Variants in RIMKLB observed in about 807,000 individuals in gnomAD.
The protein encoded by RIMKLB is beta-citrylglutamate synthase B.
In RIMKLB, 7 loss-of-function variants were observed where a neutral mutation model predicts 32.0. The observed-to-expected ratio is 0.22, with a 90% CI of 0.12 to 0.41. The LOEUF (loss-of-function observed/expected upper bound fraction) is 0.41. Ranked by LOEUF, RIMKLB falls within the 10% of genes least tolerant of loss-of-function variation. The pLI, the probability that RIMKLB is intolerant of heterozygous loss-of-function variation, is 1.00. For missense variants in RIMKLB, 289 were observed against 498.7 expected (o/e 0.58, Z 4.00); for synonymous variants, 172 against 185.1 (o/e 0.93, Z 0.57).
chr12:8,707,786 CAG>C (rs1339306376), intron 1 of RIMKLB, among the ~76,000 whole-genome samples: 1 of 152,196 alleles, frequency 6.6e-6, no homozygotes, highest in Non-Finnish European at 1.5e-5. Context: ...TGCCAGGAAA[CAG>C]GGTTGAAGAC....
At chr12:8,702,790 G>C (rs1245324605) in intron 1 of RIMKLB, among the ~76,000 whole-genome samples, 1 of 152,102 alleles carries the variant, frequency 6.6e-6, no homozygotes, top group African/African-American at 2.4e-5. Flanking sequence ...TAAAGCCTTG[G>C]GCTTGAGAGT....
In RIMKLB at chr12:8,698,130, C is replaced by A; in HGVS notation, c.-224C>A. On this transcript the variant is annotated 5_prime_UTR_variant, in exon 1 of 6. Transcript: ENST00000535829. ...CGAGTGTGCGAGGACGCCCGGCCAG[C>A]CTGCGGGAGCCGCAGTCGGCGGAGG... 3.5e-6 allele frequency: 1 copy of A among 285,090 alleles called. No individual in the cohort carries two copies. The highest frequency in any genetic ancestry group is 1.7e-4 in the East Asian group (1 of 5,976). The allele number at this position is 285,090 out of a possible 1,614,324, so 17.7% of individuals were successfully genotyped here.
At position 8,705,426 on chromosome 12, in the gene RIMKLB, AAG is replaced by A. The variant is rs1943781645; in HGVS notation, c.-57+7131_-57+7132del. Among the ~76,000 whole-genome samples the A allele has an allele frequency of 4.6e-5, 7 of 151,448 alleles. 1 individual carries two copies. The highest frequency in any genetic ancestry group is 4.6e-4 in the Admixed American group (7 of 15,176). ...CGGGAGGCAGAGGTTGCAGTGAGCCAAGATCACGTCACTGTACTCCAGCCTGG... is the reference window on the plus strand; with the variant it reads ...CGGGAGGCAGAGGTTGCAGTGAGCCAATCACGTCACTGTACTCCAGCCTGG... On this transcript the variant is annotated intron_variant, in intron 1 of 5. Coordinates refer to ENST00000535829, the MANE Select transcript of RIMKLB (RefSeq NM_001297776.2).
chr12:8,704,746 C>T (rs754893835), intron 1 of RIMKLB, among the ~76,000 whole-genome samples: 1 of 152,172 alleles, frequency 6.6e-6, no homozygotes, highest in South Asian at 2.1e-4. Flanking sequence ...ATCCGGGAGA[C>T]TGAGGCAGGA....
In RIMKLB at chr12:8,775,008, T is replaced by C; in HGVS notation, c.*1224T>C. 1.0e-6 allele frequency: 1 copy of C among 985,780 alleles called. No homozygotes were observed. Among genetic ancestry groups the C allele is most frequent in the South Asian group, 4.7e-5 (1 of 21,280 alleles). 61.1% of individuals were successfully genotyped at this position (985,780 alleles called of 1,614,324 possible). ...TGACTTTAAAAAACAGATGAGTTGT[T>C]TTCATAAGTAGACTCCACTGGGGTA... On this transcript the variant is annotated 3_prime_UTR_variant, in exon 6 of 6. Transcript: ENST00000535829.
chr12:8,758,219 T>C (rs1265148930), intron 5 of RIMKLB, among the ~76,000 whole-genome samples: 1 of 150,580 alleles, frequency 6.6e-6, no homozygotes, highest in Non-Finnish European at 1.5e-5. Flanking sequence ...TGTCCTTTTT[T>C]AATCGAGATT....
At chr12:8,742,592 A>G in intron 2 of RIMKLB, 1 of 308,344 alleles carries the variant, frequency 3.2e-6, no homozygotes, top group Non-Finnish European at 6.2e-6. Context: ...TTTGAAGAGG[A>G]CCTGGGAGAA....
At chr12:8,715,228 CTTTTTTT>C (rs61677474) in intron 2 of RIMKLB, among the ~76,000 whole-genome samples, 1 of 123,760 alleles carries the variant, frequency 8.1e-6, no homozygotes, top group Non-Finnish European at 1.7e-5. Flanking sequence ...TGCTCTTGTT[CTTTTTTT>C]TTTTTTTTTT....
intron 5 of RIMKLB, among the ~76,000 whole-genome samples, chr12:8,758,838 A>G (rs766085307): frequency 1.3e-5 from 2 of 152,248 alleles, no homozygotes; most frequent in African/African-American, 2.4e-5. Flanking sequence ...GCATTGGTCT[A>G]TTGCAAGGTC....
upstream of RIMKLB, among the ~76,000 whole-genome samples, chr12:8,677,375 C>A (rs1424766051): frequency 2.0e-5 from 3 of 152,080 alleles, no homozygotes; most frequent in African/African-American, 7.2e-5. Context: ...GCACATACAC[C>A]ACACCCTTTA....
intron 1 of RIMKLB, among the ~76,000 whole-genome samples, chr12:8,698,996 A>G (rs763054823): frequency 9.9e-5 from 15 of 151,954 alleles, no homozygotes; most frequent in East Asian, 1.9e-4. Flanking sequence ...AATAATTTCA[A>G]TCTCCCCTTA....
chr12:8,773,117 C>T (rs966067389), intron 5 of RIMKLB, among the ~76,000 whole-genome samples: 2 of 151,784 alleles, frequency 1.3e-5, no homozygotes, highest in African/African-American at 4.9e-5. Flanking sequence ...TGACAACTTA[C>T]GAAATCATCA....
chr12:8,742,845 C>G (rs1006879997), intron 2 of RIMKLB: 2 of 190,058 alleles, frequency 1.1e-5, no homozygotes, highest in Admixed American at 1.1e-4. Flanking sequence ...ACAGAGACAT[C>G]TTAGTTAACC....
chr12:8,782,897 GT>G (rs1247987509), intron 7 of RIMKLB: 2 of 152,066 alleles, frequency 1.3e-5, no homozygotes, highest in South Asian at 2.1e-4. Flanking sequence ...AATAAGTTGT[GT>G]TTTTCCCCCC....
At chr12:8,703,986 C>T (rs183320949) in intron 1 of RIMKLB, among the ~76,000 whole-genome samples, 2 of 152,256 alleles carry the variant, frequency 1.3e-5, no homozygotes, top group Admixed American at 1.3e-4. Context: ...AGTCTTGGGT[C>T]TACTATTGTG....
chr12:8,721,775 A>T (rs1386104042), intron 2 of RIMKLB, among the ~76,000 whole-genome samples: 13 of 151,510 alleles, frequency 8.6e-5, no homozygotes, highest in African/African-American at 3.1e-4. Flanking sequence ...ATGGAGTCTG[A>T]CTCTGGCACC....
At position 8,774,882 on chromosome 12, in the gene RIMKLB, G is replaced by A. The variant is rs764793484; in HGVS notation, c.*1098G>A. 6.5e-5 allele frequency: 64 copies of A among 985,586 alleles called. No homozygotes were observed. Among genetic ancestry groups the A allele is most frequent in the Non-Finnish European group, 7.2e-5 (60 of 829,860 alleles). The allele number at this position is 985,586 out of a possible 1,614,324, so 61.1% of individuals were successfully genotyped here. On this transcript the variant is annotated 3_prime_UTR_variant, in exon 6 of 6. Transcript: ENST00000535829. ...ATTTTACGAGGGAGTATATGTGTAT[G>A]TGTGTGCACGCATGCATGTGTATGT...
chr12:8,729,452 T>C (rs1410364264), intron 2 of RIMKLB, among the ~76,000 whole-genome samples: 1 of 152,094 alleles, frequency 6.6e-6, no homozygotes, highest in African/African-American at 2.4e-5. Context: ...GCTGCTTCTC[T>C]CTGATATCTA....
chr12:8,758,086 T>TC (rs1565408381), intron 5 of RIMKLB, among the ~76,000 whole-genome samples: 14 of 152,078 alleles, frequency 9.2e-5, no homozygotes, highest in African/African-American at 3.1e-4. Context: ...CGTGAGCCAC[T>TC]GCGCCTGGCC....
Sources: gnomAD v4.1 joint callset for allele counts (sites outside exome capture counted in the v4.1 genomes callset) on GRCh38, gnomAD v4.1.1 for gene constraint, MANE v1.5 for transcripts, NCBI Gene and HGNC (gene_info 2026-07-23, HGNC 2026-07-21) for gene names.